Variants in IFT43 observed in about 807,000 individuals in gnomAD.
IFT43 encodes intraflagellar transport protein 43 homolog.
In IFT43, 33 loss-of-function variants were observed where a neutral mutation model predicts 32.3. The observed-to-expected ratio is 1.02, with a 90% CI of 0.77 to 1.37. The LOEUF (loss-of-function observed/expected upper bound fraction) is 1.37, where lower values mean the gene tolerates loss of function less well. Ranked by LOEUF, IFT43 falls within the 40% of genes most tolerant of loss-of-function variation. The pLI is 0.00. For synonymous variants in IFT43, 93 were observed against 98.2 expected (o/e 0.95, Z 0.31); for missense variants, 274 against 265.9 (o/e 1.03, Z -0.21).
At chr14:76,012,606 C>G (rs1345304120) in intron 2 of IFT43, among the ~76,000 whole-genome samples, 1 of 152,214 alleles carries the variant, frequency 6.6e-6, no homozygotes, top group Non-Finnish European at 1.5e-5. Flanking sequence ...GTCCTGCCCC[C>G]TCCGTCCATC....
chr14:76,004,764 T>C (rs985438158), intron 2 of IFT43, among the ~76,000 whole-genome samples: 1 of 152,178 alleles, frequency 6.6e-6, no homozygotes, highest in African/African-American at 2.4e-5. Context: ...GTCCTTCAGA[T>C]TGGGTATTTT....
At chr14:75,987,167 A>G (rs962904282) in intron 1 of IFT43, among the ~76,000 whole-genome samples, 4 of 152,222 alleles carry the variant, frequency 2.6e-5, no homozygotes, top group African/African-American at 9.7e-5. Flanking sequence ...TAGCGACAAG[A>G]TCATTGAATT....
At chr14:76,014,036 A>C (rs2036135442) in intron 2 of IFT43, 1 of 247,040 alleles carries the variant, frequency 4.0e-6, no homozygotes, top group Non-Finnish European at 8.7e-6. Context: ...CAGCCCGAGC[A>C]CCCATTTCGG....
chr14:76,031,788 G>A (rs1437942416), intron 3 of IFT43, among the ~76,000 whole-genome samples: 1 of 152,114 alleles, frequency 6.6e-6, no homozygotes, highest in East Asian at 1.9e-4. Flanking sequence ...TGGCTTTTCA[G>A]TCTGTGGCCT....
intron 3 of IFT43, among the ~76,000 whole-genome samples, chr14:76,056,845 T>C (rs770348709): frequency 1.3e-5 from 2 of 152,216 alleles, no homozygotes; most frequent in Non-Finnish European, 2.9e-5. Context: ...TGATGGCTAC[T>C]GGGTGCTCTT....
At chr14:76,028,499 A>G (rs943448450) in intron 3 of IFT43, among the ~76,000 whole-genome samples, 2 of 152,112 alleles carry the variant, frequency 1.3e-5, no homozygotes, top group African/African-American at 4.8e-5. Flanking sequence ...CAGGAGATAT[A>G]TGCGCAGGTT....
chr14:76,013,379 G>A (rs1004751027), intron 2 of IFT43, among the ~76,000 whole-genome samples: 11 of 152,160 alleles, frequency 7.2e-5, no homozygotes, highest in Admixed American at 5.9e-4. Flanking sequence ...GAGGGCGTTC[G>A]CACCCCCATA....
At chr14:76,018,036 C>G (rs1001827415) in intron 2 of IFT43, among the ~76,000 whole-genome samples, 1 of 151,504 alleles carries the variant, frequency 6.6e-6, no homozygotes, top group Non-Finnish European at 1.5e-5. Flanking sequence ...TTTTTTAAGT[C>G]TCTATTTTGT....
chr14:75,990,247 TA>T (rs906437969), intron 2 of IFT43, among the ~76,000 whole-genome samples: 6 of 152,230 alleles, frequency 3.9e-5, no homozygotes, highest in African/African-American at 1.2e-4. Context: ...GCTGGCAGTC[TA>T]AAATTTTATG....
intron 5 of IFT43, among the ~76,000 whole-genome samples, chr14:76,073,655 T>C (rs1291137036): frequency 2.0e-5 from 3 of 152,306 alleles, no homozygotes; most frequent in Admixed American, 2.0e-4. Flanking sequence ...ACAATGTGAT[T>C]CCTGAGTCCA....
At chr14:76,029,497 A>G (rs1201330625) in intron 3 of IFT43, among the ~76,000 whole-genome samples, 1 of 152,094 alleles carries the variant, frequency 6.6e-6, no homozygotes, top group Non-Finnish European at 1.5e-5. Context: ...TCCTTTTGTC[A>G]CAGTTGCTTT....
chr14:75,986,029 G>A (rs896727351), intron 1 of IFT43, 189 bp downstream of exon 1: 11 of 1,525,472 alleles, frequency 7.2e-6, no homozygotes, highest in Non-Finnish European at 6.1e-6. Flanking sequence ...CTGGCCTGGG[G>A]TTTGCTTTCT....
chr14:75,986,341 A>G (rs1478321907), intron 1 of IFT43: 2 of 1,172,382 alleles, frequency 1.7e-6, no homozygotes, highest in East Asian at 1.2e-4. Flanking sequence ...AGTTAACCTC[A>G]GTTACCTCAG....
chr14:75,998,026 C>T (rs947870649), intron 2 of IFT43, among the ~76,000 whole-genome samples: 1 of 152,242 alleles, frequency 6.6e-6, no homozygotes, highest in African/African-American at 2.4e-5. Context: ...TCTGCATGGC[C>T]AGCCTCATTT....
intron 3 of IFT43, among the ~76,000 whole-genome samples, chr14:76,052,080 G>A (rs909963736): frequency 9.2e-5 from 14 of 152,126 alleles, no homozygotes; most frequent in African/African-American, 3.4e-4. Context: ...CTTGCAGCAG[G>A]GAGGTGGGTC....
chr14:75,989,841 G>A (rs1356608718), intron 2 of IFT43, among the ~76,000 whole-genome samples: 1 of 152,168 alleles, frequency 6.6e-6, no homozygotes, highest in Non-Finnish European at 1.5e-5. Context: ...GGTCAGGCAG[G>A]TGCATGAGCA....
At chr14:76,014,643 GCCCATAAACTTCCTTGACCTCTC>G (rs961555020) in intron 2 of IFT43, among the ~76,000 whole-genome samples, 2 of 151,846 alleles carry the variant, frequency 1.3e-5, no homozygotes, top group African/African-American at 4.9e-5. Context: ...GCCCCACTTT[GCCCATAAACTTCCTTGACCTCTC>G]CTTCTCCTCA....
intron 5 of IFT43, among the ~76,000 whole-genome samples, chr14:76,067,262 G>C (rs959259112): frequency 6.6e-6 from 1 of 152,286 alleles, no homozygotes; most frequent in Admixed American, 6.5e-5. Flanking sequence ...TTCTAGAAAA[G>C]AGAAGAGAAA....
chr14:75,999,286 T>A lies in IFT43; in HGVS notation c.147+10309T>A, dbSNP rs1287242906. Among the ~76,000 whole-genome samples, 29 of 64,704 alleles carry A rather than the reference T, an allele frequency of 4.5e-4. 1 individual carries two copies. Among genetic ancestry groups the A allele is most frequent in the South Asian group, 5.5e-4 (1 of 1,810 alleles). The allele number at this position is 64,704 out of a possible 152,430, so 42.4% of individuals were successfully genotyped here. ...ATATATATATATGTATATATATTTT[T>A]TTTTTTTTTTTTTTAATTTTTTGTA... On this transcript the variant is annotated intron_variant, in intron 2 of 8. Transcript: ENST00000314067.
Sources: allele counts gnomAD v4.1 joint callset (sites outside exome capture counted in the v4.1 genomes callset), GRCh38; gene constraint gnomAD v4.1.1; transcripts MANE v1.5; gene names NCBI Gene and HGNC (gene_info 2026-07-23, HGNC 2026-07-21).